PGR: variants seen among roughly 807,000 people sequenced by gnomAD.
PGR encodes nuclear receptor subfamily 3 group C member 3.
In PGR, 25 loss-of-function variants were observed where a neutral mutation model predicts 76.1. The observed-to-expected ratio is 0.33, with a 90% CI of 0.24 to 0.46. The LOEUF (loss-of-function observed/expected upper bound fraction) is 0.46. Ranked by LOEUF, PGR falls within the 20% of genes least tolerant of loss-of-function variation. The pLI is 1.00. For synonymous variants in PGR, 579 were observed against 535.0 expected, an observed-to-expected ratio of 1.08 and a Z score of -1.14; for missense variants, 1,172 against 1,225.3, an observed-to-expected ratio of 0.96 and a Z score of 0.65.
At position 101,127,715 on chromosome 11, in the gene PGR, G is replaced by C; in HGVS notation, c.1356C>G (p.Ser452=). The change falls in exon 1 of 8, where the codon TCC becomes TCG. Residue 452 remains serine, a synonymous_variant. Transcript: ENST00000325455. ...APASASVSSA[S]SSGSTLECIL... ...TGCACTCCAGGGTCGACCCCGAGGA[G>C]GACGCAGACGAGACTGAGGCACTGG... is the stretch of plus-strand genomic sequence containing the variant. The C allele has an allele frequency of 6.3e-7, 1 of 1,585,226 alleles. No individual in the cohort carries two copies. Among genetic ancestry groups the C allele is most frequent in the South Asian group, 1.1e-5 (1 of 88,866 alleles).
At position 101,128,323 on chromosome 11, in the gene PGR, C is replaced by T; in HGVS notation, c.748G>A (p.Gly250Arg). 4 of 1,595,782 alleles carry T rather than the reference C, an allele frequency of 2.5e-6. No homozygotes were observed. In the South Asian group the frequency reaches 4.4e-5, roughly 18 times the overall value. ...KPRALGGAAAGGGAAAVPPGA... is the reference protein window; with the variant it reads ...KPRALGGAAARGGAAAVPPGA... The stretch of plus-strand genomic sequence containing the variant: ...GGCGGGACAGCCGCGGCTCCTCCTC[C>T]AGCCGCCGCGCCACCCAGAGCCCGA... The change falls in exon 1 of 8, where the codon GGA becomes AGA. Residue 250 changes from glycine (G) to arginine (R), a missense_variant. Coordinates refer to ENST00000325455, the MANE Select transcript of PGR (RefSeq NM_000926.4).
chr11:101,085,510 C>T (rs1420375200), intron 3 of PGR, among the ~76,000 whole-genome samples: 1 of 112,176 alleles, frequency 8.9e-6, no homozygotes, highest in African/African-American at 3.3e-5. Context: ...GACCTAACAT[C>T]ACACCTAGAG....
intron 4 of PGR, among the ~76,000 whole-genome samples, chr11:101,059,987 C>A (rs1466161137): frequency 6.6e-6 from 1 of 151,594 alleles, no homozygotes; most frequent in South Asian, 2.1e-4. Context: ...AAAGCCCTAC[C>A]AGGCAATAAG....
At chr11:101,046,712 A>G (rs990895652) in intron 6 of PGR, among the ~76,000 whole-genome samples, 1 of 152,058 alleles carries the variant, frequency 6.6e-6, no homozygotes, top group African/African-American at 2.4e-5. Context: ...TTATTCAAGG[A>G]TATAATTTGA....
intron 2 of PGR, among the ~76,000 whole-genome samples, chr11:101,101,659 AAC>A (rs1382599797): frequency 1.3e-5 from 2 of 152,218 alleles, no homozygotes; most frequent in Non-Finnish European, 2.9e-5. Flanking sequence ...AACATATTGG[AAC>A]AGATTGACTG....
chr11:101,110,574 G>A (rs1175248095), intron 2 of PGR, among the ~76,000 whole-genome samples: 2 of 152,180 alleles, frequency 1.3e-5, no homozygotes, highest in Non-Finnish European at 2.9e-5. Flanking sequence ...GCGGTTTCTT[G>A]AGATTCAATC....
At position 101,051,299 on chromosome 11, in the gene PGR, G is replaced by A. The variant is rs563618896; in HGVS notation, c.2357+125C>T. On this transcript the variant is annotated intron_variant, in intron 5 of 7. Coordinates refer to ENST00000325455, the MANE Select transcript of PGR (RefSeq NM_000926.4). The stretch of plus-strand genomic sequence containing the variant: ...AAAAAGCTCCAAATATAAAATTACC[G>A]TAAAATGACAGTAATGTCATCATAT... 1.6e-4 allele frequency: 107 copies of A among 651,826 alleles called. 1 individual carries two copies. The highest frequency in any genetic ancestry group is 2.7e-4 in the South Asian group (12 of 44,918). 40.4% of individuals were successfully genotyped at this position (651,826 alleles called of 1,614,324 possible).
intron 4 of PGR, among the ~76,000 whole-genome samples, chr11:101,053,701 TTCC>T (rs1306645153): frequency 1.4e-5 from 2 of 147,272 alleles, no homozygotes; most frequent in African/African-American, 5.0e-5. Context: ...TCTCACTCCC[TTCC>T]TCCCTCCCTC....
intron 3 of PGR, among the ~76,000 whole-genome samples, chr11:101,066,605 T>C (rs1044213926): frequency 8.5e-5 from 13 of 152,178 alleles, no homozygotes; most frequent in African/African-American, 3.1e-4. Flanking sequence ...TCTCAGCATC[T>C]CCACTTGTAT....
chr11:101,037,755 T>C lies in PGR; in HGVS notation c.*1361A>G, dbSNP rs1490100599. The C allele has an allele frequency of 1.8e-5, 4 of 226,784 alleles. No homozygotes were observed. The highest frequency in any genetic ancestry group is 3.5e-5 in the Non-Finnish European group (4 of 114,104). The allele number at this position is 226,784 out of a possible 1,614,324, so 14.0% of individuals were successfully genotyped here. A position where few individuals can be genotyped will look rare whatever the true frequency, so the allele number is the denominator to read the frequency against. ...ATGGGAGAAGAAAGTGATAAAGTCATGGGTACAGAAATATGCAGAAATGTA... is the reference window on the plus strand; with the variant it reads ...ATGGGAGAAGAAAGTGATAAAGTCACGGGTACAGAAATATGCAGAAATGTA... On this transcript the variant is annotated 3_prime_UTR_variant, in exon 8 of 8. Transcript: ENST00000325455.
rs954467916 is a variant in PGR at position 101,036,193 on chromosome 11, C to CA, written c.*2922dup. 19 of 217,860 alleles carry CA rather than the reference C, an allele frequency of 8.7e-5. No individual in the cohort carries two copies. The highest frequency in any genetic ancestry group is 2.0e-4 in the East Asian group (3 of 14,830). The allele number at this position is 217,860 out of a possible 1,614,324, so 13.5% of individuals were successfully genotyped here. ...GGCTACTTACAAGGCATAGTTTTGGCAAAAAAAATATTGTTCATCATATTT... is the reference window on the plus strand; with the variant it reads ...GGCTACTTACAAGGCATAGTTTTGGCAAAAAAAAATATTGTTCATCATATTT... On this transcript the variant is annotated 3_prime_UTR_variant, in exon 8 of 8. Coordinates refer to ENST00000325455, the MANE Select transcript of PGR (RefSeq NM_000926.4).
chr11:101,046,476 G>A (rs1340117746), intron 6 of PGR, among the ~76,000 whole-genome samples: 1 of 151,644 alleles, frequency 6.6e-6, no homozygotes, highest in East Asian at 1.9e-4. Context: ...AGAGAACAAT[G>A]TAAAAATGTT....
At chr11:101,101,479 T>G (rs1283329131) in intron 2 of PGR, among the ~76,000 whole-genome samples, 3 of 152,338 alleles carry the variant, frequency 2.0e-5, no homozygotes, top group Non-Finnish European at 2.9e-5. Context: ...TAAAAATATT[T>G]ATAGCTGATA....
intron 3 of PGR, among the ~76,000 whole-genome samples, chr11:101,091,243 G>A (rs918240373): frequency 4.6e-5 from 7 of 152,166 alleles, no homozygotes; most frequent in Non-Finnish European, 7.3e-5. Flanking sequence ...TATGGGAAAA[G>A]GGAATTATTA....
At chr11:101,093,305 G>C (rs1861731553) in intron 2 of PGR, among the ~76,000 whole-genome samples, 1 of 147,642 alleles carries the variant, frequency 6.8e-6, no homozygotes, top group Non-Finnish European at 1.5e-5. Context: ...TTTCTGATTT[G>C]ACTCTAATTT....
intron 6 of PGR, 144 bp downstream of exon 6, chr11:101,049,785 A>G (rs1026207487): frequency 1.3e-5 from 8 of 624,786 alleles, no homozygotes; most frequent in East Asian, 5.9e-5. Context: ...ATTAATGTCT[A>G]TAACAATATA....
intron 6 of PGR, among the ~76,000 whole-genome samples, chr11:101,047,178 TAA>T (rs1489720044): frequency 6.6e-6 from 1 of 152,194 alleles, no homozygotes; most frequent in Non-Finnish European, 1.5e-5. Flanking sequence ...AGTGATCGCC[TAA>T]GTTTCTAAGT....
intron 3 of PGR, among the ~76,000 whole-genome samples, chr11:101,083,167 A>G (rs1861366002): frequency 6.6e-6 from 1 of 152,218 alleles, no homozygotes; most frequent in African/African-American, 2.4e-5. Flanking sequence ...CCAGGGCTTC[A>G]GAGGATGCAA....
At chr11:101,060,022 A>T (rs1254343551) in intron 4 of PGR, among the ~76,000 whole-genome samples, 1 of 152,124 alleles carries the variant, frequency 6.6e-6, no homozygotes, top group African/African-American at 2.4e-5. Flanking sequence ...CTGCAAATAT[A>T]TGCCTAGGTG....
Sources: allele counts gnomAD v4.1 joint callset (sites outside exome capture counted in the v4.1 genomes callset), GRCh38; gene constraint gnomAD v4.1.1; transcripts MANE v1.5; gene names NCBI Gene and HGNC (gene_info 2026-07-23, HGNC 2026-07-21).